AVEN: variants seen among roughly 807,000 people sequenced by gnomAD.
The protein encoded by AVEN is cell death regulator Aven.
Under a neutral mutation model 38.1 loss-of-function variants are expected in AVEN, and 41 were observed. That is an observed-to-expected ratio of 1.08 (90% confidence interval 0.84 to 1.40). The LOEUF (loss-of-function observed/expected upper bound fraction) is 1.40, where lower values mean the gene tolerates loss of function less well. Among genes scored for constraint, AVEN ranks in the 40% most tolerant of loss-of-function variants. The pLI, the probability that AVEN is intolerant of heterozygous loss-of-function variation, is 0.00. For synonymous variants in AVEN, 206 were observed against 171.8 expected, an observed-to-expected ratio of 1.20 and a Z score of -1.56; for missense variants, 605 against 438.8, an observed-to-expected ratio of 1.38 and a Z score of -3.38.
In AVEN at chr15:34,038,912, C is replaced by CCCGCCGCCGCCT. The variant is rs758764557; in HGVS notation, c.123_134dup (p.Gly42_Gly45dup). 5,415 of 1,111,876 alleles carry CCCGCCGCCGCCT rather than the reference C, an allele frequency of 4.9e-3. 187 individuals are homozygous for CCCGCCGCCGCCT. In the African/African-American group the frequency reaches 0.078, roughly 16 times the overall value. 68.9% of individuals were successfully genotyped at this position (1,111,876 alleles called of 1,614,324 possible). ...CACGGCCCCGGCGTCCGCCTCCGTCCCCGCCGCCGCCTCCGCCGCCGCCTC... is the reference window on the plus strand; with the variant it reads ...CACGGCCCCGGCGTCCGCCTCCGTCCCCGCCGCCGCCTCCGCCGCCGCCTCCGCCGCCGCCTC... On this transcript the variant is annotated inframe_insertion, in exon 1 of 6. Transcript: ENST00000306730.
chr15:33,954,289 A>G, intron 2 of AVEN, among the ~76,000 whole-genome samples: 1 of 152,224 alleles, frequency 6.6e-6, no homozygotes, highest in East Asian at 1.9e-4. Flanking sequence ...TGACCCAGCG[A>G]TCCCATTACT....
At chr15:34,031,303 T>C (rs1051140127) in intron 1 of AVEN, among the ~76,000 whole-genome samples, 1 of 149,642 alleles carries the variant, frequency 6.7e-6, no homozygotes, top group Non-Finnish European at 1.5e-5. Context: ...GCCTCCCGAG[T>C]AGCTGGGATT....
intron 2 of AVEN, among the ~76,000 whole-genome samples, chr15:33,877,490 G>A (rs1486430725): frequency 6.6e-6 from 1 of 152,170 alleles, no homozygotes; most frequent in Admixed American, 6.6e-5. Flanking sequence ...AAAATAAATG[G>A]CTCTCTAATA....
chr15:33,981,638 G>T (rs1480109370), intron 2 of AVEN, among the ~76,000 whole-genome samples: 1 of 152,136 alleles, frequency 6.6e-6, no homozygotes, highest in African/African-American at 2.4e-5. Context: ...ATAGTCATGG[G>T]TTTTGGAATC....
chr15:33,905,247 A>G (rs535414178), intron 2 of AVEN, among the ~76,000 whole-genome samples: 10 of 152,164 alleles, frequency 6.6e-5, no homozygotes, highest in Non-Finnish European at 1.3e-4. Flanking sequence ...TTGGGGTCAG[A>G]AAAAACTGAG....
In AVEN at chr15:34,061,683, G is replaced by GA. The variant is rs971447544; in HGVS notation, n.1637+1238dup. On this transcript the variant is annotated intron_variant and non_coding_transcript_variant, in intron 5 of 11. Coordinates refer to the AVEN transcript ENST00000675287. Reference sequence around the variant, plus strand: ...TAAGGAATGTATTACTCTATAACCAGAAAAAAGATAACCTAAAACAATTCT... The same window carrying GA: ...TAAGGAATGTATTACTCTATAACCAGAAAAAAAGATAACCTAAAACAATTCT... 4.6e-5 allele frequency among the ~76,000 whole-genome samples: 7 copies of GA among 152,120 alleles called. No individual in the cohort carries two copies. The South Asian group carries it at 6.2e-4, about 14-fold the overall frequency.
chr15:33,860,361 CA>C (rs1887722719), intron 11 of AVEN, among the ~76,000 whole-genome samples: 1 of 152,080 alleles, frequency 6.6e-6, no homozygotes, highest in African/African-American at 2.4e-5. Context: ...GAAAGAGTTT[CA>C]GGGAGGAGCA....
intron 2 of AVEN, among the ~76,000 whole-genome samples, chr15:33,978,082 A>C (rs1895965457): frequency 6.6e-6 from 1 of 152,118 alleles, no homozygotes; most frequent in African/African-American, 2.4e-5. Flanking sequence ...GACCATTTCA[A>C]AAGTCACTAT....
intron 2 of AVEN, among the ~76,000 whole-genome samples, chr15:33,939,678 G>A (rs778671330): frequency 1.2e-4 from 19 of 152,108 alleles, no homozygotes; most frequent in Non-Finnish European, 2.9e-5. Context: ...TAGGATGATT[G>A]CTAAACGTTG....
At chr15:33,918,232 G>A (rs1185863349) in intron 2 of AVEN, among the ~76,000 whole-genome samples, 2 of 152,146 alleles carry the variant, frequency 1.3e-5, no homozygotes, top group East Asian at 3.9e-4. Context: ...GGCAGGACTG[G>A]AAAAAATTAA....
intron 1 of AVEN, among the ~76,000 whole-genome samples, chr15:34,017,491 T>TTG (rs1555516596): frequency 1.1e-5 from 1 of 87,238 alleles, no homozygotes; most frequent in South Asian, 4.0e-4. Flanking sequence ...TTTGTTTTTT[T>TTG]TTTTTTTTTG....
downstream of AVEN, among the ~76,000 whole-genome samples, chr15:33,864,419 C>G (rs1440317578): frequency 6.6e-6 from 1 of 151,112 alleles, no homozygotes; most frequent in Non-Finnish European, 1.5e-5. Context: ...ACTAGAAGAG[C>G]TGGAGGTGGG....
downstream of AVEN, among the ~76,000 whole-genome samples, chr15:33,862,434 T>G (rs553247382): frequency 6.6e-6 from 1 of 151,976 alleles, no homozygotes; most frequent in Non-Finnish European, 1.5e-5. Context: ...CTCGAACTCC[T>G]GAGCTCAAGC....
intron 2 of AVEN, among the ~76,000 whole-genome samples, chr15:33,893,352 A>G (rs1892070315): frequency 6.6e-6 from 1 of 152,118 alleles, no homozygotes; most frequent in African/African-American, 2.4e-5. Context: ...TATTGGCTGT[A>G]TCTCCACAGA....
chr15:33,983,128 C>CTG (rs373285133), intron 2 of AVEN, among the ~76,000 whole-genome samples: 17,669 of 134,968 alleles, frequency 0.13, 1,239 homozygotes, highest in Middle Eastern at 0.2. Context: ...TGTCCATACT[C>CTG]TGTGTGTGTG....
rs1555516617 is a variant in AVEN at position 34,017,497 on chromosome 15, T to TG, written c.268-14289_268-14288insC. On this transcript the variant is annotated intron_variant, in intron 1 of 5. Coordinates refer to ENST00000306730, the MANE Select transcript of AVEN (RefSeq NM_020371.3). Reference sequence around the variant, plus strand: ...GATTTTTTTTTTGTTTTTTTTTTTTTTTTGAGACAGGGTCTTGCTATGTCA... The same window carrying TG: ...GATTTTTTTTTTGTTTTTTTTTTTTTGTTTGAGACAGGGTCTTGCTATGTCA... Among the ~76,000 whole-genome samples the TG allele has an allele frequency of 7.7e-3, 1,030 of 133,330 alleles. 10 individuals carry two copies. Among genetic ancestry groups the TG allele is most frequent in the Non-Finnish European group, 0.012 (706 of 60,330 alleles). 87.5% of individuals were successfully genotyped at this position (133,330 alleles called of 152,430 possible).
the AVEN span, chr15:33,853,097 G>T: frequency 6.3e-7 from 1 of 1,583,776 alleles, no homozygotes; most frequent in Non-Finnish European, 8.6e-7. Flanking sequence ...GGTATGCCTT[G>T]TTAGTGGGGG....
intron 2 of AVEN, among the ~76,000 whole-genome samples, chr15:33,933,295 G>A (rs1013344882): frequency 2.0e-5 from 3 of 152,092 alleles, no homozygotes; most frequent in Non-Finnish European, 4.4e-5. Context: ...GAGTATAATG[G>A]TCTTTCCAAA....
downstream of AVEN, chr15:33,865,249 A>T (rs748621532): frequency 6.5e-7 from 1 of 1,531,316 alleles, no homozygotes; most frequent in Non-Finnish European, 9.0e-7. Context: ...GAAGCGCGAC[A>T]ATTCTGGACA....
Sources: gnomAD v4.1 joint callset for allele counts (sites outside exome capture counted in the v4.1 genomes callset) on GRCh38, gnomAD v4.1.1 for gene constraint, MANE v1.5 for transcripts, NCBI Gene and HGNC (gene_info 2026-07-23, HGNC 2026-07-21) for gene names.